Variants in MROH1 observed in about 807,000 individuals in gnomAD.
MROH1 encodes the protein maestro heat-like repeat-containing protein family member 1.
Under a neutral mutation model 116.5 loss-of-function variants are expected in MROH1, and 117 were observed. The ratio of observed to expected loss-of-function variants is 1.00; its 90% CI spans 0.86 to 1.17. MROH1 has a LOEUF of 1.17. MROH1 is among the 50% of genes most tolerant of loss of function. MROH1 has a pLI of 0.00. For synonymous variants in MROH1, 921 were observed against 583.9 expected (o/e 1.58, Z -8.32); for missense variants, 1,873 against 1,338.5 (o/e 1.40, Z -6.23).
Position 144,200,516 on chromosome 8 carries a change from G to A in MROH1, c.1116G>A (p.Val372=). ...GGACCCGCGTGGGCACCCTGCAGGTGGTCAGACATGTCATCAACTCAGCTG... is the reference window on the plus strand; with the variant it reads ...GGACCCGCGTGGGCACCCTGCAGGTAGTCAGACATGTCATCAACTCAGCTG... ...NERTRVGTLQ[V]VRHVINSAAA... Residue 372 remains valine, a synonymous_variant, in exon 12 of 44, where the codon GTG becomes GTA. Coordinates refer to ENST00000326134, the MANE Select transcript of MROH1 (RefSeq NM_032450.3). The A allele has an allele frequency of 1.3e-6, 2 of 1,551,128 alleles. No individual in the cohort carries two copies. Among genetic ancestry groups the A allele is most frequent in the Non-Finnish European group, 1.7e-6 (2 of 1,147,254 alleles).
At chr8:144,247,875 C>G (rs1281158490) in intron 31 of MROH1, among the ~76,000 whole-genome samples, 196 bp downstream of exon 31, 3 of 152,288 alleles carry the variant, frequency 2.0e-5, no homozygotes, top group Non-Finnish European at 4.4e-5. Context: ...CCCGCCTACG[C>G]TGGGGCAGTG....
In MROH1 at chr8:144,190,804, G is replaced by C. The variant is rs1433334251; in HGVS notation, c.583G>C (p.Gly195Arg). 6.2e-7 allele frequency: 1 copy of C among 1,613,594 alleles called. No individual in the cohort carries two copies. Among genetic ancestry groups the C allele is most frequent in the Non-Finnish European group, 8.5e-7 (1 of 1,179,828 alleles). Residue 195 changes from glycine (G) to arginine (R), a missense_variant, in exon 8 of 44, where the codon GGT becomes CGT. Gly to Arg is a moderately radical substitution (Grantham distance 125). Transcript: ENST00000326134. The part of the protein sequence containing the change: ...FCSALQRFSE[G>R]ALEYLANLDR... ...TGTAGCTCTGCAGCGCTTCAGCGAG[G>C]GTGCCCTGGAGTACCTAGCCAACCT... is the stretch of plus-strand genomic sequence containing the variant.
Position 144,261,904 on chromosome 8 carries a change from C to T in MROH1, c.*164C>T, listed in dbSNP as rs1168192004. 2 of 661,880 alleles carry T rather than the reference C, an allele frequency of 3.0e-6. No homozygotes were observed. The highest frequency in any genetic ancestry group is 5.4e-6 in the Non-Finnish European group (2 of 367,152). The allele number at this position is 661,880 out of a possible 1,614,324, so 41.0% of individuals were successfully genotyped here. A position where few individuals can be genotyped will look rare whatever the true frequency, so the allele number is the denominator to read the frequency against. ...CCCAAGCCCTTCAGTGAGGGATGTG[C>T]CCAATAAACTCATCTGCTCCCAGCG... is the stretch of plus-strand genomic sequence containing the variant. On this transcript the variant is annotated 3_prime_UTR_variant, in exon 44 of 44. Transcript: ENST00000326134.
rs573598215 is a variant in MROH1 at position 144,176,612 on chromosome 8, C to T, written c.169-2843C>T. ...ATCTCAGCACTTTGGGAGGCTGAGG[C>T]AAGCGGATCACAAGGTCAGGAGCCT... On this transcript the variant is annotated intron_variant, in intron 4 of 43. Coordinates refer to ENST00000326134, the MANE Select transcript of MROH1 (RefSeq NM_032450.3). 4.7e-4 allele frequency among the ~76,000 whole-genome samples: 70 copies of T among 150,524 alleles called. 1 individual carries two copies. The highest frequency in any genetic ancestry group is 4.6e-4 in the Non-Finnish European group (31 of 67,812).
intron 19 of MROH1, 51 bp downstream of exon 19, chr8:144,240,204 G>T (rs1043773093): frequency 8.4e-6 from 6 of 710,704 alleles, no homozygotes; most frequent in Non-Finnish European, 1.3e-5. Context: ...TGTCTGGCCT[G>T]GGGGGTGCTG....
At chr8:144,258,959 C>T (rs1844446576) in intron 36 of MROH1, 45 bp downstream of exon 36, 1 of 690,524 alleles carries the variant, frequency 1.4e-6, no homozygotes, top group Non-Finnish European at 2.7e-6. Flanking sequence ...GGCTGGGCTC[C>T]ACCGGATCTC....
At chr8:144,218,955 T>C (rs1836112301) in intron 12 of MROH1, among the ~76,000 whole-genome samples, 1 of 134,362 alleles carries the variant, frequency 7.4e-6, no homozygotes, top group Non-Finnish European at 1.6e-5. Flanking sequence ...GTGCCTCGGC[T>C]TCCCAAGTAG....
chr8:144,190,669 G>C, intron 7 of MROH1, 115 bp from the exon 8 acceptor site: 1 of 1,281,438 alleles, frequency 7.8e-7, no homozygotes, highest in Admixed American at 2.0e-5. Context: ...TGGTGTTCTA[G>C]GGAGGGCATC....
chr8:144,244,131 T>C, intron 26 of MROH1, 91 bp from the exon 27 acceptor site: 2 of 702,250 alleles, frequency 2.8e-6, no homozygotes, highest in East Asian at 2.7e-5. Context: ...AACATGGCAG[T>C]GGCTGTGCTG....
chr8:144,255,408 C>T (rs1032467644), intron 34 of MROH1, 101 bp from the exon 35 acceptor site: 38 of 699,500 alleles, frequency 5.4e-5, no homozygotes, highest in Non-Finnish European at 9.6e-5. Flanking sequence ...GACCTCCGAG[C>T]ACATGATGCA....
In MROH1 at chr8:144,230,423, C is replaced by T. The variant is rs529837586; in HGVS notation, c.1338+7193C>T. Among the ~76,000 whole-genome samples, 38 of 151,812 alleles carry T rather than the reference C, an allele frequency of 2.5e-4. No individual in the cohort carries two copies. The East Asian group carries it at 7.2e-3, about 29-fold the overall frequency. ...CTTTTCCTTTGTATTCACAACATGG[C>T]TGACTAGCACAAGAGGTCTGGCCTT... On this transcript the variant is annotated intron_variant, in intron 14 of 43. Coordinates refer to ENST00000326134, the MANE Select transcript of MROH1 (RefSeq NM_032450.3).
At chr8:144,216,201 T>A (rs780006473) in intron 12 of MROH1, among the ~76,000 whole-genome samples, 24 of 147,286 alleles carry the variant, frequency 1.6e-4, no homozygotes, top group Non-Finnish European at 2.4e-4. Flanking sequence ...AGAGCCTGGC[T>A]CAGTGGCTCA....
chr8:144,187,205 G>GTTTGACACCA (rs1010963371), intron 7 of MROH1, among the ~76,000 whole-genome samples: 9 of 152,096 alleles, frequency 5.9e-5, no homozygotes, highest in Non-Finnish European at 1.3e-4. Context: ...GAACCCAGGA[G>GTTTGACACCA]TTTGACACCA....
chr8:144,212,076 T>TTTGTTTG (rs1554813809), intron 12 of MROH1, among the ~76,000 whole-genome samples: 14 of 151,090 alleles, frequency 9.3e-5, no homozygotes, highest in Non-Finnish European at 1.5e-4. Flanking sequence ...TGTGTTGTTT[T>TTTGTTTG]TTTGTTTGTT....
chr8:144,232,795 T>C (rs1198816000), intron 14 of MROH1, among the ~76,000 whole-genome samples: 1 of 16,308 alleles, frequency 6.1e-5, no homozygotes, highest in Non-Finnish European at 1.9e-4. Flanking sequence ...ACCTGGCCTA[T>C]TTATTTATTT....
chr8:144,244,023 C>T (rs933787047), intron 26 of MROH1, 81 bp downstream of exon 26: 45 of 739,724 alleles, frequency 6.1e-5, no homozygotes, highest in Middle Eastern at 4.6e-4. Flanking sequence ...CACGTGTATG[C>T]GCGTGTGCAT....
At chr8:144,211,900 C>T (rs926566167) in intron 12 of MROH1, among the ~76,000 whole-genome samples, 1 of 152,228 alleles carries the variant, frequency 6.6e-6, no homozygotes. Flanking sequence ...AAGCTCAGAT[C>T]GTCTCATCTT....
chr8:144,240,822 C>G (rs1318920403), intron 20 of MROH1, 145 bp downstream of exon 20: 23 of 676,416 alleles, frequency 3.4e-5, no homozygotes, highest in Middle Eastern at 3.8e-4. Flanking sequence ...GCCAGGAGTG[C>G]GAGAGCCCAC....
At chr8:144,178,910 G>A (rs559982249) in intron 4 of MROH1, among the ~76,000 whole-genome samples, 1 of 152,178 alleles carries the variant, frequency 6.6e-6, no homozygotes, top group Non-Finnish European at 1.5e-5. Flanking sequence ...AGCTGCTTAG[G>A]GGGAGGATGA....
Sources: gnomAD v4.1 joint callset for allele counts (sites outside exome capture counted in the v4.1 genomes callset) on GRCh38, gnomAD v4.1.1 for gene constraint, MANE v1.5 for transcripts, NCBI Gene and HGNC (gene_info 2026-07-23, HGNC 2026-07-21) for gene names.